Variants in AHCTF1 observed in about 807,000 individuals in gnomAD.
The protein encoded by AHCTF1 is AT-hook containing transcription factor 1.
A neutral mutation model predicts 248.4 loss-of-function variants in AHCTF1; 24 were observed. That is an observed-to-expected ratio of 0.10 (90% CI 0.07 to 0.14). AHCTF1 has a LOEUF of 0.14. Ranked by LOEUF, AHCTF1 falls within the 10% of genes least tolerant of loss-of-function variation. The pLI is 1.00. For synonymous variants in AHCTF1, 786 were observed against 929.8 expected, an observed-to-expected ratio of 0.85 and a Z score of 2.81; for missense variants, 2,206 against 2,636.2, an observed-to-expected ratio of 0.84 and a Z score of 3.57.
At chr1:246,901,285 G>C (rs551787847) in intron 8 of AHCTF1, among the ~76,000 whole-genome samples, 1 of 152,268 alleles carries the variant, frequency 6.6e-6, no homozygotes, top group South Asian at 2.1e-4. Flanking sequence ...AGGTTGCAGT[G>C]AGACGAGATC....
intron 14 of AHCTF1, among the ~76,000 whole-genome samples, chr1:246,892,619 C>T (rs772799244): frequency 1.2e-4 from 19 of 152,052 alleles, no homozygotes; most frequent in Non-Finnish European, 1.9e-4. Context: ...CTGTGCCCGA[C>T]CTAATTTGCT....
intron 1 of AHCTF1, among the ~76,000 whole-genome samples, chr1:246,922,781 G>C (rs1477389014): frequency 2.0e-5 from 3 of 151,060 alleles, no homozygotes; most frequent in Non-Finnish European, 3.0e-5. Flanking sequence ...AGGAGATCGA[G>C]ACCATCCTGG....
chr1:246,931,334 C>T, intron 1 of AHCTF1: 1 of 1,545,162 alleles, frequency 6.5e-7, no homozygotes, highest in Non-Finnish European at 8.7e-7. Flanking sequence ...CCATGTGCCG[C>T]CGCTCCTCCG....
intron 4 of AHCTF1, among the ~76,000 whole-genome samples, chr1:246,910,654 T>C (rs1291712166): frequency 1.3e-5 from 2 of 152,208 alleles, no homozygotes; most frequent in Non-Finnish European, 2.9e-5. Flanking sequence ...CTCAGACTCA[T>C]ATATTAATAT....
Position 246,888,214 on chromosome 1 carries a change from A to C in AHCTF1, c.2288T>G (p.Leu763Arg), listed in dbSNP as rs1394815065. ...GGCTGCTTCAGTAACGCCGTCTAAT[A>C]GGTACATATCAAGTACTGCCTATAA... ...ASLHAVLDMY[L>R]LDGVTEAAKH... The change falls in exon 19 of 36, where the codon CTA becomes CGA. Residue 763 changes from leucine (L) to arginine (R), a missense_variant. This residue lies in a region of AHCTF1 where 650 missense variants were observed against 870.8 expected (regional missense o/e 0.75). Transcript: ENST00000648844. 6.2e-7 allele frequency: 1 copy of C among 1,614,124 alleles called. No individual in the cohort carries two copies. The highest frequency in any genetic ancestry group is 1.1e-5 in the South Asian group (1 of 91,086).
intron 30 of AHCTF1, among the ~76,000 whole-genome samples, chr1:246,857,106 C>T (rs1417582656): frequency 6.6e-6 from 1 of 152,126 alleles, no homozygotes; most frequent in Non-Finnish European, 1.5e-5. Flanking sequence ...GCTGACTTTC[C>T]GTAAAGGAGG....
In AHCTF1 at chr1:246,864,013, G is replaced by A. The variant is rs1288705022; in HGVS notation, c.3451C>T (p.Leu1151=). 6.8e-6 allele frequency: 11 copies of A among 1,614,072 alleles called. No individual in the cohort carries two copies. Among genetic ancestry groups the A allele is most frequent in the African/African-American group, 1.3e-5 (1 of 74,926 alleles). Residue 1151 remains leucine (L), a synonymous_variant, in exon 27 of 36, where the codon CTG becomes TTG. Transcript: ENST00000648844. ...CCTTTTAATTGCGAACTTGAGGGCA[G>A]TGAACGGGATACTAGGTACAAAGGA... The part of the protein sequence containing the change: ...KSPLYLVSRS[L]PSSSQLKGSP...
At chr1:246,875,696 C>A (rs1010364422) in intron 24 of AHCTF1, among the ~76,000 whole-genome samples, 2 of 152,148 alleles carry the variant, frequency 1.3e-5, no homozygotes, top group African/African-American at 4.8e-5. Flanking sequence ...CCTTTATTAG[C>A]AAAAGGATTA....
In AHCTF1 at chr1:246,925,526, G is replaced by A. The variant is rs112820496; in HGVS notation, c.-8+6052C>T. Among the ~76,000 whole-genome samples the A allele has an allele frequency of 3.5e-3, 539 of 152,290 alleles. 3 individuals carry two copies. The highest frequency in any genetic ancestry group is 7.0e-3 in the Admixed American group (107 of 15,300). On this transcript the variant is annotated intron_variant, in intron 1 of 35. Coordinates refer to ENST00000648844, the MANE Select transcript of AHCTF1 (RefSeq NM_001323342.2). ...ACCCAGCACTCTGGGAAGCTCAGGC[G>A]GAAGGATCTCTTAAGACCAGGAGTT...
intron 24 of AHCTF1, among the ~76,000 whole-genome samples, chr1:246,869,903 GCTGTCACAGA>G (rs1370274705): frequency 2.0e-5 from 3 of 152,122 alleles, no homozygotes; most frequent in African/African-American, 7.2e-5. Context: ...TAAAGCTATA[GCTGTCACAGA>G]TAGTGATTCC....
intron 33 of AHCTF1, among the ~76,000 whole-genome samples, chr1:246,844,138 C>G (rs904269385): frequency 6.6e-6 from 1 of 152,066 alleles, no homozygotes; most frequent in African/African-American, 2.4e-5. Context: ...ATGTGTAGGA[C>G]GATTGAATGC....
intron 20 of AHCTF1, 67 bp downstream of exon 20, chr1:246,887,144 A>T (rs551128848): frequency 6.6e-6 from 10 of 1,510,870 alleles, no homozygotes; most frequent in Non-Finnish European, 8.9e-6. Flanking sequence ...TACCAAATTT[A>T]AATTATGTGT....
rs769851117 is a variant in AHCTF1 at position 246,850,376 on chromosome 1, C to T, written c.5630G>A (p.Arg1877Lys). 5 of 1,612,124 alleles carry T rather than the reference C, an allele frequency of 3.1e-6. No individual in the cohort carries two copies. The highest frequency in any genetic ancestry group is 4.2e-6 in the Non-Finnish European group (5 of 1,179,396). The part of the protein sequence containing the change: ...VTKRTPRRIK[R>K]SVENQESVEI... ...AACACTTTCCTGATTTTCTACAGAT[C>T]TTTTAATTCTTCTAGGAGTCCTTTT... is the stretch of plus-strand genomic sequence containing the variant. Residue 1877 changes from arginine to lysine, a missense_variant, in exon 33 of 36, where the codon AGA (arginine) becomes AAA (lysine). Around this residue, in one of 6 missense-constraint regions of AHCTF1, gnomAD observed 469 missense variants for 470.0 expected, o/e 1.00. Coordinates refer to ENST00000648844, the MANE Select transcript of AHCTF1 (RefSeq NM_001323342.2).
At chr1:246,907,343 AT>A (rs1221223293) in intron 5 of AHCTF1, among the ~76,000 whole-genome samples, 1 of 152,248 alleles carries the variant, frequency 6.6e-6, no homozygotes, top group Non-Finnish European at 1.5e-5. Flanking sequence ...CTGAAAAAAA[AT>A]AAAGCTAAAT....
chr1:246,849,746 G>A lies in AHCTF1; in HGVS notation c.6260C>T (p.Thr2087Ile), dbSNP rs148103547. Residue 2087 changes from threonine (T) to isoleucine (I), a missense_variant, in exon 33 of 36, where the codon ACA becomes ATA. By Grantham distance (89) the Thr-to-Ile change is moderately conservative (BLOSUM62 -1). Coordinates refer to ENST00000648844, the MANE Select transcript of AHCTF1 (RefSeq NM_001323342.2). Reference sequence around the variant, plus strand: ...GCGGGATGATTTAGTGAAGGAAGCTGTGGCGAGCAATCTTTCTTCCTGCTC... The same window carrying A: ...GCGGGATGATTTAGTGAAGGAAGCTATGGCGAGCAATCTTTCTTCCTGCTC... ...TNEQEERLLA[T>I]ASFTKSSRSS... 2.1e-5 allele frequency: 34 copies of A among 1,614,018 alleles called. No individual in the cohort carries two copies. Among genetic ancestry groups the A allele is most frequent in the Middle Eastern group, 3.3e-4 (2 of 6,056 alleles).
At position 246,861,298 on chromosome 1, in the gene AHCTF1, G is replaced by A. The variant is rs755925372; in HGVS notation, c.3736-3C>T. 2 of 1,595,252 alleles carry A rather than the reference G, an allele frequency of 1.3e-6. No homozygotes were observed. Among genetic ancestry groups the A allele is most frequent in the Non-Finnish European group, 1.7e-6 (2 of 1,169,100 alleles). ...TCTAATTTGCTATCATCTGCAGCCT[G>A]TAAAGTAAGATTTTGAAAAGAAAAA... On this transcript the variant is annotated splice_polypyrimidine_tract_variant and splice_region_variant and intron_variant, in intron 28 of 35. Coordinates refer to ENST00000648844, the MANE Select transcript of AHCTF1 (RefSeq NM_001323342.2).
intron 4 of AHCTF1, among the ~76,000 whole-genome samples, chr1:246,911,480 T>C (rs574443710): frequency 2.7e-4 from 11 of 40,672 alleles, no homozygotes; most frequent in African/African-American, 1.2e-3. Context: ...ATGAAGATTC[T>C]TTTTTTTTTT....
At chr1:246,872,051 C>CAAAAAAAAAA (rs753977798) in intron 24 of AHCTF1, among the ~76,000 whole-genome samples, 4 of 83,714 alleles carry the variant, frequency 4.8e-5, no homozygotes, top group East Asian at 3.9e-4. Flanking sequence ...CTATTAATGA[C>CAAAAAAAAAA]AAAAAAAAAA....
At chr1:246,863,420 C>T (rs904169252) in intron 27 of AHCTF1, among the ~76,000 whole-genome samples, 5 of 151,208 alleles carry the variant, frequency 3.3e-5, no homozygotes, top group African/African-American at 1.2e-4. Context: ...TTAAAAAGGC[C>T]ACCACTAGCA....
Sources: allele counts gnomAD v4.1 joint callset (sites outside exome capture counted in the v4.1 genomes callset), GRCh38; gene constraint gnomAD v4.1.1; regional missense constraint gnomAD v4.1.1; transcripts MANE v1.5; gene names NCBI Gene and HGNC (gene_info 2026-07-23, HGNC 2026-07-21).